The following SYCP3 variants were observed in gnomAD, a reference collection of about 807,000 sequenced individuals.
SYCP3 encodes synaptonemal complex protein 3.
SYCP3 carries 29 observed loss-of-function variants against 38.5 expected under a neutral mutation model. The ratio of observed to expected loss-of-function variants is 0.75; its 90% CI spans 0.56 to 1.03. The LOEUF is 1.03. Ranked by LOEUF, SYCP3 falls within the 50% of genes least tolerant of loss-of-function variation. SYCP3 has a pLI of 0.00. For missense variants in SYCP3, 242 were observed against 270.7 expected, an observed-to-expected ratio of 0.89 and a Z score of 0.74; for synonymous variants, 79 against 80.3, an observed-to-expected ratio of 0.98 and a Z score of 0.08.
At position 101,737,956 on chromosome 12, in the gene SYCP3, T is replaced by TA; in HGVS notation, c.-17-5dup. The TA allele has an allele frequency of 6.2e-7, 1 of 1,614,004 alleles. No individual in the cohort carries two copies. On this transcript the variant is annotated splice_polypyrimidine_tract_variant and splice_region_variant and intron_variant, in intron 1 of 8. Transcript: ENST00000392924. ...ACCATATTTAGATGCTTCCTGACTT[T>TA]AAAAAACAAATTTCTTTAACCTTCT...
rs185278208 is a variant in SYCP3 at position 101,738,890 on chromosome 12, T to C, written c.-18+461A>G. Reference sequence around the variant, plus strand: ...TGGGCAACTCTAGCAGGGCGCTCAGTCACGCGGGGAAATTATAGTTGCTGG... The same window carrying C: ...TGGGCAACTCTAGCAGGGCGCTCAGCCACGCGGGGAAATTATAGTTGCTGG... On this transcript the variant is annotated intron_variant, in intron 1 of 8. Transcript: ENST00000392924. Among the ~76,000 whole-genome samples the C allele has an allele frequency of 5.3e-5, 8 of 152,308 alleles. No homozygotes were observed. In the East Asian group the frequency reaches 1.4e-3, roughly 26 times the overall value.
At chr12:101,736,362 T>C (rs1566056302) in intron 4 of SYCP3, among the ~76,000 whole-genome samples, 1 of 152,134 alleles carries the variant, frequency 6.6e-6, no homozygotes, top group African/African-American at 2.4e-5. Flanking sequence ...ACAAGCACTG[T>C]TTCACCACCG....
chr12:101,731,948 A>C, intron 6 of SYCP3: 1 of 273,536 alleles, frequency 3.7e-6, no homozygotes, highest in Non-Finnish European at 7.0e-6. Context: ...TCCAATAATA[A>C]TGGTTTTCCG....
Position 101,737,970 on chromosome 12 carries a change from C to T in SYCP3, c.-17-18G>A. ...CTTCCTGACTTTAAAAAACAAATTT[C>T]TTTAACCTTCTGAATGCAAAGACAT... On this transcript the variant is annotated intron_variant, in intron 1 of 8. Coordinates refer to ENST00000392924, the MANE Select transcript of SYCP3 (RefSeq NM_001177949.2). The T allele has an allele frequency of 6.2e-7, 1 of 1,612,402 alleles. No homozygotes were observed. The highest frequency in any genetic ancestry group is 8.5e-7 in the Non-Finnish European group (1 of 1,178,866).
In SYCP3 at chr12:101,731,583, A is replaced by T; in HGVS notation, c.537T>A (p.Tyr179Ter). The change falls in exon 7 of 9, where the codon TAT becomes TAA. Residue 179 changes from tyrosine to a stop codon, truncating the protein, a stop_gained. Transcript: ENST00000392924. LOFTEE classifies it high-confidence loss of function. ...SQRLKTIKQL[Y>*]EQFIKSMEEL... ...TACAACAAACCTTTATGAACTGCTC[A>T]TATAACTGTTTAATTGTTTTCAATC... 4 of 1,605,090 alleles carry T rather than the reference A, an allele frequency of 2.5e-6. No homozygotes were observed. Among genetic ancestry groups the T allele is most frequent in the Non-Finnish European group, 3.4e-6 (4 of 1,177,000 alleles).
At chr12:101,737,636 C>T in intron 2 of SYCP3, 167 bp downstream of exon 2, 2 of 899,978 alleles carry the variant, frequency 2.2e-6, no homozygotes, top group Non-Finnish European at 3.5e-6. Flanking sequence ...AAATGAGAAA[C>T]ACAAGTACAG....
At chr12:101,735,081 T>A in intron 4 of SYCP3, 37 bp from the exon 5 acceptor site, 1 of 1,415,420 alleles carries the variant, frequency 7.1e-7, no homozygotes, top group Non-Finnish European at 1.0e-6. Context: ...AATTTAATGT[T>A]GAAAAAAGTA....
At position 101,728,956 on chromosome 12, in the gene SYCP3, G is replaced by A. The variant is rs763365723; in HGVS notation, c.682C>T (p.Arg228Trp). ...ETQQQEIASV[R>W]KSLQSMLF ...AATAACATGGATTGAAGAGACTTCC[G>A]AACACTTGCTATCTCTTGCTGCTGC... Residue 228 changes from arginine to tryptophan, a missense_variant, in exon 9 of 9, where the codon CGG (arginine) becomes TGG (tryptophan). Physicochemically the swap from Arg to Trp is moderately radical, Grantham distance 101. Transcript: ENST00000392924. 4.3e-6 allele frequency: 7 copies of A among 1,613,454 alleles called. No individual in the cohort carries two copies. Among genetic ancestry groups the A allele is most frequent in the East Asian group, 4.5e-5 (2 of 44,732 alleles).
At position 101,731,492 on chromosome 12, in the gene SYCP3, TAGAA is replaced by T. The variant is rs1166108901; in HGVS notation, c.552+72_552+75del. On this transcript the variant is annotated intron_variant, in intron 7 of 8. Coordinates refer to ENST00000392924, the MANE Select transcript of SYCP3 (RefSeq NM_001177949.2). ...TCTAAAATGTTTTTTCCCATAAACT[TAGAA>T]AGAATTATCTTCTACTTCCATAAAT... is the stretch of plus-strand genomic sequence containing the variant. 81 of 1,032,052 alleles carry T rather than the reference TAGAA, an allele frequency of 7.8e-5. 1 individual carries two copies. Among genetic ancestry groups the T allele is most frequent in the South Asian group, 4.6e-4 (23 of 49,942 alleles). The allele number at this position is 1,032,052 out of a possible 1,614,324, so 63.9% of individuals were successfully genotyped here. A position where few individuals can be genotyped will look rare whatever the true frequency, so the allele number is the denominator to read the frequency against.
chr12:101,731,804 A>C, intron 6 of SYCP3, 138 bp from the exon 7 acceptor site: 1 of 580,868 alleles, frequency 1.7e-6, no homozygotes, highest in East Asian at 3.0e-5. Context: ...TATTATGACC[A>C]CATTTAGATA....
chr12:101,733,618 T>C lies in SYCP3; in HGVS notation c.410A>G (p.Asp137Gly). The C allele has an allele frequency of 6.2e-7, 1 of 1,612,592 alleles. No homozygotes were observed. Among genetic ancestry groups the C allele is most frequent in the Non-Finnish European group, 8.5e-7 (1 of 1,179,990 alleles). Reference protein sequence around the residue: ...QQFLTLFQQWDLDMQKAEEQE... With the variant: ...QQFLTLFQQWGLDMQKAEEQE... ...TTCCTCAGCTTTCTGCATATCTAAATCCCACTGCTGAAACAAAGTCAGAAA... is the reference window on the plus strand; with the variant it reads ...TTCCTCAGCTTTCTGCATATCTAAACCCCACTGCTGAAACAAAGTCAGAAA... Residue 137 changes from aspartate to glycine, a missense_variant, in exon 6 of 9, where the codon GAT becomes GGT. Coordinates refer to ENST00000392924, the MANE Select transcript of SYCP3 (RefSeq NM_001177949.2).
At chr12:101,737,763 AACTGAAGGACATC>A in intron 2 of SYCP3, 27 bp downstream of exon 2, 1 of 1,613,832 alleles carries the variant, frequency 6.2e-7, no homozygotes. Context: ...AAAACAAATG[AACTGAAGGACATC>A]ACTGCCCAAC....
At position 101,737,228 on chromosome 12, in the gene SYCP3, T is replaced by C; in HGVS notation, c.200+4A>G. 6.2e-7 allele frequency: 1 copy of C among 1,613,322 alleles called. No homozygotes were observed. Among genetic ancestry groups the C allele is most frequent in the Non-Finnish European group, 8.5e-7 (1 of 1,179,588 alleles). ...AGAAACAAAAATTATTTTGAACACGTTACCCCATATCTTCAACTACTCCTG... is the reference window on the plus strand; with the variant it reads ...AGAAACAAAAATTATTTTGAACACGCTACCCCATATCTTCAACTACTCCTG... On this transcript the variant is annotated splice_donor_region_variant and intron_variant, in intron 3 of 8. Transcript: ENST00000392924.
chr12:101,739,088 G>A (rs968853948), intron 1 of SYCP3, among the ~76,000 whole-genome samples: 2 of 152,200 alleles, frequency 1.3e-5, no homozygotes, highest in South Asian at 2.1e-4. Context: ...AGGGAGACGC[G>A]CGGAGCGAGG....
At chr12:101,737,714 G>A in intron 2 of SYCP3, 89 bp downstream of exon 2, 1 of 1,582,454 alleles carries the variant, frequency 6.3e-7, no homozygotes, top group South Asian at 1.1e-5. Context: ...ACCTGAAAAT[G>A]CTTTACAAAC....
chr12:101,731,545 T>C (rs1179537857), intron 7 of SYCP3, 23 bp downstream of exon 7: 7 of 1,467,840 alleles, frequency 4.8e-6, no homozygotes, highest in Non-Finnish European at 6.6e-6. Flanking sequence ...TAACGATGTA[T>C]TGTGTTACCA....
intron 8 of SYCP3, 29 bp downstream of exon 8, chr12:101,729,077 CTTA>C: frequency 6.2e-7 from 1 of 1,607,150 alleles, no homozygotes; most frequent in Non-Finnish European, 8.5e-7. Flanking sequence ...TATATTAATC[CTTA>C]TTTTTTCAAT....
At chr12:101,731,726 G>GA in intron 6 of SYCP3, 60 bp from the exon 7 acceptor site, 1 of 1,232,224 alleles carries the variant, frequency 8.1e-7, no homozygotes, top group South Asian at 1.5e-5. Flanking sequence ...TTTAAATTTA[G>GA]AAAAAATAAT....
At chr12:101,735,869 A>ATTTTTTTTT (rs1333301972) in intron 4 of SYCP3, among the ~76,000 whole-genome samples, 3 of 60,120 alleles carry the variant, frequency 5.0e-5, no homozygotes, top group African/African-American at 2.3e-4. Context: ...ATATATATAT[A>ATTTTTTTTT]TATTTTTTTT....
Sources: gnomAD v4.1 joint callset for allele counts (sites outside exome capture counted in the v4.1 genomes callset) on GRCh38, gnomAD v4.1.1 for gene constraint, MANE v1.5 for transcripts, NCBI Gene and HGNC (gene_info 2026-07-23, HGNC 2026-07-21) for gene names.